Variants in DMD observed in about 807,000 individuals in gnomAD.
DMD encodes the protein mutant dystrophin.
DMD carries 63 observed loss-of-function variants against 330.1 expected under a neutral mutation model. The observed-to-expected ratio is 0.19, with a 90% CI of 0.16 to 0.24. The LOEUF is 0.24. DMD is among the 10% of genes least tolerant of loss of function. The pLI, the probability that DMD is intolerant of heterozygous loss-of-function variation, is 1.00. For synonymous variants in DMD, 1,223 were observed against 959.8 expected, an observed-to-expected ratio of 1.27 and a Z score of -5.07; for missense variants, 3,344 against 2,684.1, an observed-to-expected ratio of 1.25 and a Z score of -5.43.
intron 74 of DMD, among the ~76,000 whole-genome samples, chrX:31,164,760 G>A (rs1296767900): frequency 9.0e-6 from 1 of 110,986 alleles, no homozygotes; most frequent in African/African-American, 3.3e-5. Flanking sequence ...ATCATGGCCT[G>A]ACTCCTGGAT....
intron 76 of DMD, among the ~76,000 whole-genome samples, chrX:31,141,361 T>A (rs768355612): frequency 4.5e-5 from 5 of 112,220 alleles, no homozygotes; most frequent in African/African-American, 1.6e-4. Flanking sequence ...TATTCTGTTG[T>A]CAAACAGAAG....
chrX:32,942,112 A>AGTGTGTGCGTGTGTGTGTGT (rs60820174), intron 2 of DMD, among the ~76,000 whole-genome samples: 13,055 of 109,848 alleles, frequency 0.12, 633 homozygotes, highest in Middle Eastern at 0.23. Flanking sequence ...TTGAGAAGGG[A>AGTGTGTGCGTGTGTGTGTGT]GTGTGTGCGT....
chrX:32,676,029 ATC>A (rs2061945393), intron 9 of DMD, among the ~76,000 whole-genome samples: 1 of 111,457 alleles, frequency 9.0e-6, no homozygotes, highest in Non-Finnish European at 1.9e-5. Context: ...TGACATACCT[ATC>A]AGTTTCTAAC....
intron 52 of DMD, among the ~76,000 whole-genome samples, chrX:31,703,222 T>A (rs1219173915): frequency 1.8e-5 from 2 of 112,054 alleles, no homozygotes; most frequent in Non-Finnish European, 3.8e-5. Context: ...TCTTTACCTA[T>A]CCTACAAGAT....
intron 44 of DMD, among the ~76,000 whole-genome samples, chrX:32,101,067 T>A (rs2096537606): frequency 8.9e-6 from 1 of 112,273 alleles, no homozygotes; most frequent in Non-Finnish European, 1.9e-5. Flanking sequence ...TTAACACTTC[T>A]GCATGAATTA....
chrX:32,665,041 A>G (rs2061215641), intron 9 of DMD, among the ~76,000 whole-genome samples: 1 of 112,230 alleles, frequency 8.9e-6, no homozygotes, highest in African/African-American at 3.2e-5. Flanking sequence ...ATCCTCCTAC[A>G]TTTACTTAAG....
chrX:32,052,583 C>A (rs766929478), intron 44 of DMD, among the ~76,000 whole-genome samples: 1 of 111,106 alleles, frequency 9.0e-6, no homozygotes, highest in Admixed American at 9.6e-5. Flanking sequence ...TATATGAAAA[C>A]GTGGCATGAA....
intron 1 of DMD, among the ~76,000 whole-genome samples, chrX:33,309,441 TAAAATCTG>T (rs2148946450): frequency 9.0e-6 from 1 of 110,954 alleles, no homozygotes; most frequent in African/African-American, 3.3e-5. Context: ...AAATGCATTT[TAAAATCTG>T]GAAATCTGTC....
chrX:32,267,841 CACTA>C (rs1376038784), intron 43 of DMD, among the ~76,000 whole-genome samples: 2 of 111,962 alleles, frequency 1.8e-5, no homozygotes, highest in Admixed American at 9.5e-5. Context: ...CTAATTTTGT[CACTA>C]ACTGTTATGA....
intron 55 of DMD, among the ~76,000 whole-genome samples, chrX:31,525,149 T>C (rs986047155): frequency 8.9e-6 from 1 of 111,979 alleles, no homozygotes; most frequent in Non-Finnish European, 1.9e-5. Context: ...TCATATCATA[T>C]GACAGGGAAA....
At chrX:31,392,134 T>G (rs1415397542) in intron 60 of DMD, among the ~76,000 whole-genome samples, 1 of 112,161 alleles carries the variant, frequency 8.9e-6, no homozygotes, top group African/African-American at 3.2e-5. Context: ...TAGGGAGACA[T>G]GCTGTTGCTT....
intron 7 of DMD, among the ~76,000 whole-genome samples, chrX:32,732,286 T>C (rs1233472649): frequency 9.0e-6 from 1 of 111,139 alleles, no homozygotes; most frequent in African/African-American, 3.3e-5. Context: ...CTACGTCTGA[T>C]TGGTGTACCT....
At chrX:32,406,481 A>G (rs1185582354) in intron 30 of DMD, among the ~76,000 whole-genome samples, 1 of 110,378 alleles carries the variant, frequency 9.1e-6, no homozygotes, top group African/African-American at 3.3e-5. Context: ...GAATATTGTC[A>G]AAGGCCTTTT....
At chrX:32,021,657 A>G (rs1351816270) in intron 44 of DMD, among the ~76,000 whole-genome samples, 1 of 112,414 alleles carries the variant, frequency 8.9e-6, no homozygotes, top group Non-Finnish European at 1.9e-5. Flanking sequence ...TATACACTAG[A>G]TTTCAGAGAC....
chrX:31,802,974 T>C (rs2092134279), intron 50 of DMD, among the ~76,000 whole-genome samples: 2 of 111,704 alleles, frequency 1.8e-5, no homozygotes, highest in African/African-American at 6.5e-5. Flanking sequence ...CAATCAAATG[T>C]ATTATCATCA....
intron 44 of DMD, among the ~76,000 whole-genome samples, chrX:32,108,994 G>C (rs902028867): frequency 8.9e-6 from 1 of 111,838 alleles, no homozygotes; most frequent in African/African-American, 3.2e-5. Flanking sequence ...GTATCAAAAT[G>C]TTAAAAGTGG....
intron 47 of DMD, among the ~76,000 whole-genome samples, chrX:31,902,037 A>G (rs952361548): frequency 1.8e-5 from 2 of 111,615 alleles, no homozygotes; most frequent in African/African-American, 6.5e-5. Flanking sequence ...CCTTTTAGGT[A>G]TCTGCTTAGG....
chrX:32,499,374 C>A (rs1220332167), intron 19 of DMD, among the ~76,000 whole-genome samples: 1 of 111,246 alleles, frequency 9.0e-6, no homozygotes, highest in Non-Finnish European at 1.9e-5. Context: ...AAGCACACAT[C>A]AAATTTATAA....
chrX:31,171,229 T>C (rs2039962483), intron 73 of DMD, among the ~76,000 whole-genome samples: 1 of 112,131 alleles, frequency 8.9e-6, no homozygotes, highest in Non-Finnish European at 1.9e-5. Context: ...GTAAGTCATA[T>C]ACAAATGACT....
Sources: gnomAD v4.1 joint callset for allele counts (sites outside exome capture counted in the v4.1 genomes callset) on GRCh38, gnomAD v4.1.1 for gene constraint, MANE v1.5 for transcripts, NCBI Gene and HGNC (gene_info 2026-07-23, HGNC 2026-07-21) for gene names.